Variants in TCP11L2 observed in about 807,000 individuals in gnomAD.
The protein encoded by TCP11L2 is T-complex protein 11-like protein 2.
In TCP11L2, 39 loss-of-function variants were observed where a neutral mutation model predicts 50.7. That is an observed-to-expected ratio of 0.77 (90% CI 0.60 to 1.01). TCP11L2 has a LOEUF of 1.01. TCP11L2 is among the 50% of genes least tolerant of loss of function. The probability of loss-of-function intolerance (pLI) is 0.00; values close to 1 mark genes in which losing one functional copy is unlikely to be tolerated. For missense variants in TCP11L2, 612 were observed against 614.7 expected, an observed-to-expected ratio of 1.00 and a Z score of 0.05; for synonymous variants, 192 against 219.3, an observed-to-expected ratio of 0.88 and a Z score of 1.10.
At chr12:106,343,108 G>A (rs1172621060) in intron 9 of TCP11L2, among the ~76,000 whole-genome samples, 1 of 152,180 alleles carries the variant, frequency 6.6e-6, no homozygotes, top group African/African-American at 2.4e-5. Flanking sequence ...CCAAGGACAC[G>A]CCTTTGGCAG....
Position 106,314,556 on chromosome 12 carries a change from TGTGTGTGTGTGTGTGTGTGTGAGAGAGA to T in TCP11L2, c.293+65_293+92del, listed in dbSNP as rs947129645. On this transcript the variant is annotated intron_variant, in intron 3 of 9. Coordinates refer to ENST00000299045, the MANE Select transcript of TCP11L2 (RefSeq NM_152772.3). The stretch of plus-strand genomic sequence containing the variant: ...GATTCTGTGTGTGTGTGTGTGTGTG[TGTGTGTGTGTGTGTGTGTGTGAGAGAGA>T]GAGAGAGAGAGAGAGAGACAGAGAG... 1.9e-5 allele frequency: 17 copies of T among 900,970 alleles called. No individual in the cohort carries two copies. The African/African-American group carries it at 2.1e-4, about 11-fold the overall frequency. The allele number at this position is 900,970 out of a possible 1,614,324, so 55.8% of individuals were successfully genotyped here.
chr12:106,344,257 A>C (rs977151357), intron 9 of TCP11L2, among the ~76,000 whole-genome samples: 5 of 152,120 alleles, frequency 3.3e-5, no homozygotes, highest in African/African-American at 1.2e-4. Flanking sequence ...TTCGTTATTT[A>C]TCTTTATAGA....
intron 6 of TCP11L2, among the ~76,000 whole-genome samples, chr12:106,333,959 C>G (rs1277327694): frequency 6.6e-6 from 1 of 152,018 alleles, no homozygotes; most frequent in Non-Finnish European, 1.5e-5. Context: ...GATTTAGGAG[C>G]CTTATGGGGT....
At chr12:106,326,805 C>T (rs761545725) in intron 6 of TCP11L2, among the ~76,000 whole-genome samples, 1 of 152,202 alleles carries the variant, frequency 6.6e-6, no homozygotes, top group Admixed American at 6.5e-5. Flanking sequence ...TCTCTCACAT[C>T]ATCTGGCAGA....
In TCP11L2 at chr12:106,346,438, G is replaced by A. The variant is rs753498446; in HGVS notation, c.1468G>A (p.Val490Met). ...YANIVNLNKQ[V>M]YGPFYANILR... Reference sequence around the variant, plus strand: ...AAACATTGTGAATCTCAACAAACAAGTGTATGGACCATTTTATGCAAATAT... The same window carrying A: ...AAACATTGTGAATCTCAACAAACAAATGTATGGACCATTTTATGCAAATAT... Residue 490 changes from valine to methionine, a missense_variant, in exon 10 of 10, where the codon GTG (valine) becomes ATG (methionine). Physicochemically the swap from Val to Met is conservative, Grantham distance 21 (BLOSUM62 1). Transcript: ENST00000299045. 1.2e-6 allele frequency: 2 copies of A among 1,614,154 alleles called. No individual in the cohort carries two copies. Among genetic ancestry groups the A allele is most frequent in the Admixed American group, 1.7e-5 (1 of 60,020 alleles).
chr12:106,329,471 C>T (rs1361296549), intron 6 of TCP11L2: 20 of 1,521,512 alleles, frequency 1.3e-5, no homozygotes, highest in Non-Finnish European at 1.7e-5. Context: ...ACGCATGCTC[C>T]TTCTGCTTTA....
At chr12:106,328,892 A>G (rs576401137) in intron 6 of TCP11L2, among the ~76,000 whole-genome samples, 1 of 152,120 alleles carries the variant, frequency 6.6e-6, no homozygotes, top group Admixed American at 6.5e-5. Flanking sequence ...ATCCCTGAAC[A>G]CTCTCACCAC....
intron 4 of TCP11L2, among the ~76,000 whole-genome samples, chr12:106,320,109 G>C (rs928281085): frequency 2.0e-4 from 30 of 152,168 alleles, no homozygotes; most frequent in Non-Finnish European, 3.2e-4. Context: ...TGAGAAAAAA[G>C]ATAGATTCCA....
At chr12:106,341,047 G>T in intron 9 of TCP11L2, 49 bp downstream of exon 9, 1 of 1,518,332 alleles carries the variant, frequency 6.6e-7, no homozygotes, top group Non-Finnish European at 8.9e-7. Context: ...GCTTTAACTT[G>T]CTGATTTTGA....
chr12:106,314,076 A>G (rs1490683199), intron 2 of TCP11L2, among the ~76,000 whole-genome samples: 7 of 152,106 alleles, frequency 4.6e-5, no homozygotes, highest in Non-Finnish European at 8.8e-5. Context: ...TGGTAATTTA[A>G]TTTTTAAAAG....
At chr12:106,299,684 C>A (rs2034382225), upstream of TCP11L2, among the ~76,000 whole-genome samples, 1 of 152,124 alleles carries the variant, frequency 6.6e-6, no homozygotes, top group South Asian at 2.1e-4. Context: ...CCTCACAACT[C>A]CCATAGAGAG....
upstream of TCP11L2, among the ~76,000 whole-genome samples, chr12:106,300,099 GTAA>G (rs2034385720): frequency 6.6e-6 from 1 of 151,606 alleles, no homozygotes; most frequent in African/African-American, 2.4e-5. Context: ...AAAACTAGGT[GTAA>G]TAATATGTCT....
intron 1 of TCP11L2, chr12:106,303,399 G>C (rs1454872983): frequency 6.6e-6 from 1 of 152,356 alleles, no homozygotes; most frequent in Non-Finnish European, 1.5e-5. Flanking sequence ...TGGTTTCCCC[G>C]GCACTCAGCT....
intron 8 of TCP11L2, 45 bp from the exon 9 acceptor site, chr12:106,340,781 T>A (rs767586417): frequency 6.6e-7 from 1 of 1,513,078 alleles, no homozygotes; most frequent in South Asian, 1.3e-5. Context: ...AATAACTTGA[T>A]GAACAAAAAC....
At chr12:106,335,350 G>A (rs1350588359) in intron 6 of TCP11L2, among the ~76,000 whole-genome samples, 1 of 152,170 alleles carries the variant, frequency 6.6e-6, no homozygotes, top group Non-Finnish European at 1.5e-5. Flanking sequence ...CATCCAGAAT[G>A]TGACATCTAG....
chr12:106,330,410 C>A, intron 6 of TCP11L2: 1 of 655,492 alleles, frequency 1.5e-6, no homozygotes, highest in Non-Finnish European at 1.9e-6. Context: ...TCTGGAGACA[C>A]TTGTATGTCC....
intron 1 of TCP11L2, among the ~76,000 whole-genome samples, chr12:106,305,723 T>TCGTA (rs1357750871): frequency 1.1e-4 from 17 of 152,160 alleles, no homozygotes; most frequent in Admixed American, 2.6e-4. Flanking sequence ...GAAGGTTACC[T>TCGTA]CGTAGTTGGT....
chr12:106,342,177 G>A (rs1288598276), intron 9 of TCP11L2, among the ~76,000 whole-genome samples: 1 of 152,222 alleles, frequency 6.6e-6, no homozygotes, highest in Non-Finnish European at 1.5e-5. Flanking sequence ...GTACAACATT[G>A]ACGGCCTTAA....
At position 106,346,690 on chromosome 12, in the gene TCP11L2, C is replaced by T. The variant is rs894787095; in HGVS notation, c.*160C>T. Reference sequence around the variant, plus strand: ...ATATTAGCATTACAGAAGACACACACATCACATAGACCCTCAGAAGACGTA... The same window carrying T: ...ATATTAGCATTACAGAAGACACACATATCACATAGACCCTCAGAAGACGTA... On this transcript the variant is annotated 3_prime_UTR_variant, in exon 10 of 10. Transcript: ENST00000299045. 8 of 804,684 alleles carry T rather than the reference C, an allele frequency of 9.9e-6. No homozygotes were observed. In the African/African-American group the frequency reaches 1.0e-4, roughly 10 times the overall value. The allele number at this position is 804,684 out of a possible 1,614,324, so 49.8% of individuals were successfully genotyped here. A position where few individuals can be genotyped will look rare whatever the true frequency, so the allele number is the denominator to read the frequency against.
Sources: gnomAD v4.1 joint callset for allele counts (sites outside exome capture counted in the v4.1 genomes callset) on GRCh38, gnomAD v4.1.1 for gene constraint, MANE v1.5 for transcripts, NCBI Gene and HGNC (gene_info 2026-07-23, HGNC 2026-07-21) for gene names.